PPP1R9A: variants seen among roughly 807,000 people sequenced by gnomAD.
The protein encoded by PPP1R9A is protein phosphatase 1 regulatory subunit 9A.
Under a neutral mutation model 141.9 loss-of-function variants are expected in PPP1R9A, and 59 were observed. That is an observed-to-expected ratio of 0.42 (90% CI 0.34 to 0.52). PPP1R9A has a LOEUF of 0.52. Among genes scored for constraint, PPP1R9A ranks in the 20% least tolerant of loss-of-function variants. The probability of loss-of-function intolerance (pLI) is 0.10; values close to 1 mark genes in which losing one functional copy is unlikely to be tolerated. For synonymous variants in PPP1R9A, 500 were observed against 569.7 expected (o/e 0.88, Z 1.74); for missense variants, 1,444 against 1,611.9 (o/e 0.90, Z 1.78).
intron 2 of PPP1R9A, among the ~76,000 whole-genome samples, chr7:95,015,054 T>C (rs1469873093): frequency 1.3e-5 from 2 of 152,096 alleles, no homozygotes; most frequent in African/African-American, 4.8e-5. Context: ...GATCTCTTCC[T>C]GTCTAGGAAT....
intron 2 of PPP1R9A, among the ~76,000 whole-genome samples, chr7:95,111,007 C>G (rs993663343): frequency 3.3e-5 from 5 of 152,262 alleles, no homozygotes; most frequent in African/African-American, 1.2e-4. Context: ...TTGCTATTCA[C>G]ATAATGTGTT....
At chr7:94,957,493 G>A (rs1422428770) in intron 2 of PPP1R9A, among the ~76,000 whole-genome samples, 1 of 152,006 alleles carries the variant, frequency 6.6e-6, no homozygotes, top group Non-Finnish European at 1.5e-5. Flanking sequence ...AGAATTTTAG[G>A]GAGTTATCAG....
intron 16 of PPP1R9A, among the ~76,000 whole-genome samples, chr7:95,280,423 T>A (rs1450389962): frequency 6.6e-6 from 1 of 152,174 alleles, no homozygotes; most frequent in East Asian, 1.9e-4. Flanking sequence ...ACAACAAAGA[T>A]CACCTTGGAA....
chr7:95,096,727 A>C lies in PPP1R9A; in HGVS notation c.1396-14532A>C, dbSNP rs1818070356. 3.3e-5 allele frequency among the ~76,000 whole-genome samples: 5 copies of C among 152,234 alleles called. No individual in the cohort carries two copies. In the South Asian group the frequency reaches 1.0e-3, roughly 32 times the overall value. On this transcript the variant is annotated intron_variant, in intron 2 of 19. Coordinates refer to ENST00000433360, the MANE Select transcript of PPP1R9A (RefSeq NM_001166160.2). ...TTCCTGTTCATTCACTGCTGTATGT[A>C]GCCTTGGCCATGTTGGCTTACTTCC...
At chr7:95,022,541 A>G (rs774080024) in intron 2 of PPP1R9A, among the ~76,000 whole-genome samples, 4 of 152,186 alleles carry the variant, frequency 2.6e-5, no homozygotes, top group African/African-American at 7.2e-5. Flanking sequence ...AAGAGAGGGC[A>G]TCTTTGTCTT....
In PPP1R9A at chr7:95,164,482, T is replaced by C. The variant is rs115803495; in HGVS notation, c.1754+2511T>C. Among the ~76,000 whole-genome samples the C allele has an allele frequency of 2.3e-3, 349 of 152,254 alleles. 1 individual carries two copies. The highest frequency in any genetic ancestry group is 8.1e-3 in the African/African-American group (335 of 41,550). On this transcript the variant is annotated intron_variant, in intron 5 of 19. Coordinates refer to ENST00000433360, the MANE Select transcript of PPP1R9A (RefSeq NM_001166160.2). ...AGATCTGTGTTTGTTTATTTGGTTT[T>C]GTGAAATTCTGCTTGGGATTCAATC...
At chr7:95,021,257 C>T (rs765993819) in intron 2 of PPP1R9A, among the ~76,000 whole-genome samples, 4 of 150,830 alleles carry the variant, frequency 2.7e-5, no homozygotes, top group Admixed American at 6.6e-5. Flanking sequence ...GTTTGTTGGC[C>T]GCATAAATGT....
At chr7:95,242,216 T>C (rs1797555815) in intron 8 of PPP1R9A, among the ~76,000 whole-genome samples, 1 of 152,180 alleles carries the variant, frequency 6.6e-6, no homozygotes. Flanking sequence ...GAAGCTATAT[T>C]GTTGTAGGTA....
At chr7:95,281,446 A>G (rs10249338) in intron 16 of PPP1R9A, among the ~76,000 whole-genome samples, 5,493 of 152,056 alleles carry the variant, frequency 0.036, 276 homozygotes, top group African/African-American at 0.11. Flanking sequence ...AGCTTCTGTG[A>G]TCTCCTTCAC....
intron 2 of PPP1R9A, among the ~76,000 whole-genome samples, chr7:95,031,130 G>C (rs1240343178): frequency 6.6e-6 from 1 of 152,128 alleles, no homozygotes; most frequent in Non-Finnish European, 1.5e-5. Flanking sequence ...CCCAAAACTG[G>C]ATTCATAATA....
intron 5 of PPP1R9A, among the ~76,000 whole-genome samples, chr7:95,177,735 A>G (rs988637996): frequency 6.6e-6 from 1 of 152,104 alleles, no homozygotes; most frequent in African/African-American, 2.4e-5. Context: ...ATTCTTACAA[A>G]AGACAAAACT....
intron 12 of PPP1R9A, among the ~76,000 whole-genome samples, chr7:95,265,559 G>A (rs1197398618): frequency 1.3e-5 from 2 of 152,148 alleles, no homozygotes; most frequent in African/African-American, 4.8e-5. Flanking sequence ...GTGTACACAC[G>A]TGTCCTCTAA....
chr7:95,255,808 A>C (rs921904132), intron 12 of PPP1R9A, among the ~76,000 whole-genome samples: 1 of 152,156 alleles, frequency 6.6e-6, no homozygotes, highest in Non-Finnish European at 1.5e-5. Context: ...TTGAAATGAC[A>C]TAGTGTGTTC....
intron 6 of PPP1R9A, among the ~76,000 whole-genome samples, chr7:95,198,812 C>A (rs916377422): frequency 6.6e-6 from 1 of 152,122 alleles, no homozygotes; most frequent in African/African-American, 2.4e-5. Flanking sequence ...GGGTGATTTT[C>A]TCTCTCTGCT....
intron 4 of PPP1R9A, among the ~76,000 whole-genome samples, chr7:95,158,641 A>G (rs890499541): frequency 6.6e-6 from 1 of 152,236 alleles, no homozygotes; most frequent in Admixed American, 6.5e-5. Context: ...TTTCAAAGAT[A>G]TATAAAAAGA....
intron 4 of PPP1R9A, among the ~76,000 whole-genome samples, chr7:95,125,170 G>A (rs1016155684): frequency 6.6e-6 from 1 of 151,876 alleles, no homozygotes; most frequent in African/African-American, 2.4e-5. Context: ...TTTTAGAGGC[G>A]AGGTCTCACT....
At chr7:95,232,262 A>G (rs1406854384) in intron 8 of PPP1R9A, among the ~76,000 whole-genome samples, 1 of 151,828 alleles carries the variant, frequency 6.6e-6, no homozygotes, top group Non-Finnish European at 1.5e-5. Flanking sequence ...AAAATTGCCA[A>G]CAATGAGGAA....
chr7:95,199,165 T>C (rs972148536), intron 6 of PPP1R9A, among the ~76,000 whole-genome samples: 1 of 152,216 alleles, frequency 6.6e-6, no homozygotes, highest in South Asian at 2.1e-4. Flanking sequence ...TGTGCTGTAA[T>C]ATAATACAGA....
intron 5 of PPP1R9A, among the ~76,000 whole-genome samples, chr7:95,163,665 C>A (rs1489667050): frequency 6.6e-6 from 1 of 152,114 alleles, no homozygotes; most frequent in African/African-American, 2.4e-5. Context: ...TTTTGGATTT[C>A]AGATATTTTG....
Sources: allele counts gnomAD v4.1 joint callset (sites outside exome capture counted in the v4.1 genomes callset), GRCh38; gene constraint gnomAD v4.1.1; transcripts MANE v1.5; gene names NCBI Gene and HGNC (gene_info 2026-07-23, HGNC 2026-07-21).